Variants in FSTL4 observed in about 807,000 individuals in gnomAD.
FSTL4 encodes follistatin-related protein 4.
FSTL4 carries 28 observed loss-of-function variants against 78.2 expected under a neutral mutation model. The observed-to-expected ratio is 0.36, with a 90% confidence interval of 0.27 to 0.49. The LOEUF (loss-of-function observed/expected upper bound fraction) is 0.49, where lower values mean the gene tolerates loss of function less well. Ranked by LOEUF, FSTL4 falls within the 20% of genes least tolerant of loss-of-function variation. The probability of loss-of-function intolerance (pLI) is 0.98; values close to 1 mark genes in which losing one functional copy is unlikely to be tolerated. For missense variants in FSTL4, 922 were observed against 1,084.9 expected (o/e 0.85, Z 2.11); for synonymous variants, 422 against 440.5 (o/e 0.96, Z 0.53).
At chr5:133,790,971 A>G in the FSTL4 span, among the ~76,000 whole-genome samples, 1 of 152,260 alleles carries the variant, frequency 6.6e-6, no homozygotes, top group South Asian at 2.1e-4. Context: ...CCCCCATCTC[A>G]CTGATGGTAA....
intron 4 of FSTL4, among the ~76,000 whole-genome samples, chr5:133,344,681 A>T (rs377191292): frequency 1.3e-5 from 2 of 152,192 alleles, no homozygotes; most frequent in South Asian, 2.1e-4. Context: ...GATAGCACAT[A>T]CGTATTCTTC....
chr5:133,696,478 G>A, the FSTL4 span, among the ~76,000 whole-genome samples: 24 of 152,164 alleles, frequency 1.6e-4, no homozygotes, highest in African/African-American at 5.8e-4. Context: ...CCCTGTCCTC[G>A]AAGCCCCAGA....
chr5:133,786,019 G>C, the FSTL4 span, among the ~76,000 whole-genome samples: 4 of 152,146 alleles, frequency 2.6e-5, no homozygotes, highest in Non-Finnish European at 5.9e-5. Context: ...ATACACCCAC[G>C]ATGTGCTGGC....
At chr5:133,437,797 T>C (rs1757067568) in intron 3 of FSTL4, among the ~76,000 whole-genome samples, 1 of 151,832 alleles carries the variant, frequency 6.6e-6, no homozygotes, top group Non-Finnish European at 1.5e-5. Context: ...GGCCAGTAAA[T>C]GGTTTTTTTT....
At chr5:133,827,994 C>T in the FSTL4 span, among the ~76,000 whole-genome samples, 3 of 152,094 alleles carry the variant, frequency 2.0e-5, no homozygotes, top group South Asian at 4.1e-4. Context: ...ACAAAGCCAT[C>T]GAGGGAAGCC....
At chr5:133,551,570 T>C (rs1209271141) in intron 3 of FSTL4, among the ~76,000 whole-genome samples, 21 of 152,234 alleles carry the variant, frequency 1.4e-4, no homozygotes, top group Admixed American at 1.4e-3. Context: ...CATGCTCCGC[T>C]GAGATGTCAT....
At chr5:133,214,019 G>T (rs781548668) in intron 13 of FSTL4, among the ~76,000 whole-genome samples, 1 of 152,156 alleles carries the variant, frequency 6.6e-6, no homozygotes, top group Admixed American at 6.5e-5. Flanking sequence ...GGGATATTTT[G>T]TAAGAATAAA....
At chr5:133,304,072 G>A (rs1037492464) in intron 6 of FSTL4, among the ~76,000 whole-genome samples, 10 of 152,154 alleles carry the variant, frequency 6.6e-5, no homozygotes, top group Admixed American at 3.3e-4. Context: ...TCCTAAGCCC[G>A]TCAACACCTC....
At chr5:133,735,501 C>T in the FSTL4 span, among the ~76,000 whole-genome samples, 9 of 152,052 alleles carry the variant, frequency 5.9e-5, no homozygotes, top group East Asian at 1.9e-4. Context: ...TCATTCCTCA[C>T]GATGGCTTTT....
intron 6 of FSTL4, among the ~76,000 whole-genome samples, chr5:133,251,231 G>C (rs1752224826): frequency 6.6e-6 from 1 of 152,180 alleles, no homozygotes; most frequent in Non-Finnish European, 1.5e-5. Flanking sequence ...AAATGGTTTA[G>C]CTCCCACCGT....
chr5:133,552,544 T>C (rs997081806), intron 3 of FSTL4, among the ~76,000 whole-genome samples: 39 of 152,214 alleles, frequency 2.6e-4, no homozygotes, highest in Non-Finnish European at 7.3e-5. Flanking sequence ...AATGCCCTTA[T>C]TTTCAAACGA....
At chr5:133,713,504 AGG>A in the FSTL4 span, among the ~76,000 whole-genome samples, 1 of 152,214 alleles carries the variant, frequency 6.6e-6, no homozygotes, top group African/African-American at 2.4e-5. Context: ...AGATTGAAAG[AGG>A]GACAATAAAA....
the FSTL4 span, among the ~76,000 whole-genome samples, chr5:133,668,500 G>A: frequency 4.6e-5 from 7 of 152,132 alleles, no homozygotes; most frequent in African/African-American, 7.2e-5. Context: ...TACATTCTGC[G>A]AGCTGCCAGA....
At chr5:133,422,043 C>T (rs1445588534) in intron 3 of FSTL4, among the ~76,000 whole-genome samples, 5 of 152,086 alleles carry the variant, frequency 3.3e-5, no homozygotes. Context: ...AGGGAACAAG[C>T]TGAAGAGGAT....
chr5:133,346,965 T>C (rs1444856208), intron 4 of FSTL4, among the ~76,000 whole-genome samples: 1 of 152,200 alleles, frequency 6.6e-6, no homozygotes, highest in Non-Finnish European at 1.5e-5. Flanking sequence ...CAACCTGTTC[T>C]TATTTTATGG....
At chr5:133,433,347 C>G (rs781247793) in intron 3 of FSTL4, among the ~76,000 whole-genome samples, 21 of 152,234 alleles carry the variant, frequency 1.4e-4, no homozygotes, top group Non-Finnish European at 2.8e-4. Flanking sequence ...GGATTACCCA[C>G]TAACTGGCAA....
chr5:133,332,158 G>A (rs143522625), intron 4 of FSTL4, among the ~76,000 whole-genome samples: 3 of 152,304 alleles, frequency 2.0e-5, no homozygotes, highest in East Asian at 3.9e-4. Flanking sequence ...CTCTTCCAGC[G>A]ATGGAGTTTG....
the FSTL4 span, among the ~76,000 whole-genome samples, chr5:133,809,768 G>T: frequency 6.6e-6 from 1 of 152,146 alleles, no homozygotes; most frequent in African/African-American, 2.4e-5. Flanking sequence ...GCTGTTAGAG[G>T]CTGCATGGAA....
chr5:133,751,064 G>A, the FSTL4 span, among the ~76,000 whole-genome samples: 3 of 151,488 alleles, frequency 2.0e-5, no homozygotes, highest in African/African-American at 4.9e-5. Flanking sequence ...GCCACCCTAC[G>A]TGCACCCCAC....
Sources: gnomAD v4.1 joint callset for allele counts (sites outside exome capture counted in the v4.1 genomes callset) on GRCh38, gnomAD v4.1.1 for gene constraint, MANE v1.5 for transcripts, NCBI Gene and HGNC (gene_info 2026-07-23, HGNC 2026-07-21) for gene names.